The following SH3RF3 variants were observed in gnomAD, a reference collection of about 807,000 sequenced individuals.
The protein encoded by SH3RF3 is SH3 domain containing ring finger 3, also known as E3 ubiquitin-protein ligase SH3RF3.
Under a neutral mutation model 66.3 loss-of-function variants are expected in SH3RF3, and 29 were observed. That is an observed-to-expected ratio of 0.44 (90% CI 0.33 to 0.60). The LOEUF is 0.60. SH3RF3 is among the 20% of genes least tolerant of loss of function. SH3RF3 has a pLI of 0.04. For synonymous variants in SH3RF3, 583 were observed against 532.0 expected (o/e 1.10, Z -1.32); for missense variants, 1,194 against 1,190.9 (o/e 1.00, Z -0.04).
chr2:109,495,730 G>T (rs551282685), intron 9 of SH3RF3, among the ~76,000 whole-genome samples: 64 of 152,130 alleles, frequency 4.2e-4, no homozygotes, highest in African/African-American at 1.5e-3. Context: ...GGCCACAAGT[G>T]ATCCGCCCAC....
At position 109,347,963 on chromosome 2, in the gene SH3RF3, C is replaced by T. The variant is rs112737967; in HGVS notation, c.849+14C>T. 2.8e-3 allele frequency: 4,418 copies of T among 1,585,406 alleles called. 96 individuals carry two copies. The African/African-American group carries it at 0.052, about 19-fold the overall frequency. On this transcript the variant is annotated intron_variant, in intron 2 of 9. Coordinates refer to ENST00000309415, the MANE Select transcript of SH3RF3 (RefSeq NM_001099289.3). ...ACCTTCACCAAGGTAAGGTGAGCCC[C>T]GGGGTGGGCCCCGCCAGCCCATGCA...
intron 1 of SH3RF3, among the ~76,000 whole-genome samples, chr2:109,337,679 G>A (rs1484033893): frequency 1.3e-5 from 2 of 151,878 alleles, no homozygotes; most frequent in African/African-American, 4.8e-5. Flanking sequence ...ATCAGCATAT[G>A]CCGTATGCTA....
At chr2:109,210,768 G>T (rs781747546) in intron 1 of SH3RF3, among the ~76,000 whole-genome samples, 1 of 152,190 alleles carries the variant, frequency 6.6e-6, no homozygotes, top group Non-Finnish European at 1.5e-5. Context: ...TGAATTAGTC[G>T]ACTGCTTCTC....
intron 1 of SH3RF3, among the ~76,000 whole-genome samples, chr2:109,327,567 G>C (rs991748722): frequency 6.6e-6 from 1 of 152,120 alleles, no homozygotes; most frequent in African/African-American, 2.4e-5. Context: ...CATCAAGTTG[G>C]GAGAAAATTA....
At chr2:109,141,741 G>T (rs1029805209) in intron 1 of SH3RF3, among the ~76,000 whole-genome samples, 3 of 152,104 alleles carry the variant, frequency 2.0e-5, no homozygotes, top group Non-Finnish European at 4.4e-5. Context: ...TCTAGACCCC[G>T]GGGAACAAGT....
chr2:109,222,019 A>C (rs1370994509), intron 1 of SH3RF3, among the ~76,000 whole-genome samples: 1 of 152,186 alleles, frequency 6.6e-6, no homozygotes, highest in Non-Finnish European at 1.5e-5. Context: ...TCAGCCTTTC[A>C]AAAGAATGAA....
intron 1 of SH3RF3, among the ~76,000 whole-genome samples, chr2:109,225,148 T>C (rs1679343080): frequency 6.6e-6 from 1 of 152,212 alleles, no homozygotes; most frequent in Non-Finnish European, 1.5e-5. Context: ...CAGTTTCCTC[T>C]TGTGTAAAAT....
chr2:109,249,465 T>C lies in SH3RF3; in HGVS notation c.574-98209T>C, dbSNP rs112450133. Among the ~76,000 whole-genome samples, 6 of 125,742 alleles carry C rather than the reference T, an allele frequency of 4.8e-5. No individual in the cohort carries two copies. In the South Asian group the frequency reaches 8.4e-4, roughly 18 times the overall value. 82.5% of individuals were successfully genotyped at this position (125,742 alleles called of 152,430 possible). A position where few individuals can be genotyped will look rare whatever the true frequency, so the allele number is the denominator to read the frequency against. The stretch of plus-strand genomic sequence containing the variant: ...ACCAGATCTCTCTCTCTTTCTCTCT[T>C]TCTCTTTCTTTCTTTCTTTCTTTCT... On this transcript the variant is annotated intron_variant, in intron 1 of 9. Transcript: ENST00000309415.
chr2:109,497,356 CTG>C (rs1679282751), intron 9 of SH3RF3, among the ~76,000 whole-genome samples: 1 of 152,164 alleles, frequency 6.6e-6, no homozygotes, highest in African/African-American at 2.4e-5. Flanking sequence ...TTTGCAGACT[CTG>C]TTGTCAGGGA....
At position 109,490,772 on chromosome 2, in the gene SH3RF3, G is replaced by A; in HGVS notation, c.2316G>A (p.Arg772=). The stretch of plus-strand genomic sequence containing the variant: ...TGTCCTCACTGTCCATCCACGGCAG[G>A]GCAGGGTCCTGCCCCATAGAGAGCG... ...PEVSSLSIHG[R]AGSCPIESEM... Residue 772 remains arginine, a synonymous_variant, in exon 9 of 10, where the codon AGG becomes AGA. Coordinates refer to ENST00000309415, the MANE Select transcript of SH3RF3 (RefSeq NM_001099289.3). The A allele has an allele frequency of 6.5e-7, 1 of 1,536,708 alleles. No individual in the cohort carries two copies. Among genetic ancestry groups the A allele is most frequent in the South Asian group, 1.2e-5 (1 of 84,018 alleles).
chr2:109,381,917 C>A (rs1675686453), intron 3 of SH3RF3, among the ~76,000 whole-genome samples: 1 of 152,078 alleles, frequency 6.6e-6, no homozygotes, highest in Non-Finnish European at 1.5e-5. Flanking sequence ...GTACGTAACA[C>A]ACATCTCATG....
At chr2:109,406,325 A>C (rs1402990411) in intron 4 of SH3RF3, among the ~76,000 whole-genome samples, 1 of 152,164 alleles carries the variant, frequency 6.6e-6, no homozygotes, top group East Asian at 1.9e-4. Context: ...CATTTTAGAA[A>C]AATTTCCTCA....
At chr2:109,174,575 C>T (rs1023185258) in intron 1 of SH3RF3, among the ~76,000 whole-genome samples, 1 of 152,194 alleles carries the variant, frequency 6.6e-6, no homozygotes, top group Non-Finnish European at 1.5e-5. Context: ...CTGGAATTCC[C>T]TCCATTGTGG....
intron 8 of SH3RF3, among the ~76,000 whole-genome samples, chr2:109,473,552 T>G (rs1409260204): frequency 1.3e-5 from 2 of 152,152 alleles, no homozygotes; most frequent in African/African-American, 4.8e-5. Flanking sequence ...GAGAGAGAAA[T>G]AAACCCTCTG....
chr2:109,207,703 A>G (rs1207921238), intron 1 of SH3RF3, among the ~76,000 whole-genome samples: 1 of 152,198 alleles, frequency 6.6e-6, no homozygotes, highest in Non-Finnish European at 1.5e-5. Context: ...TGGAAACAAA[A>G]CATTTGTATA....
At chr2:109,484,523 T>G (rs1678919106) in intron 8 of SH3RF3, among the ~76,000 whole-genome samples, 1 of 152,124 alleles carries the variant, frequency 6.6e-6, no homozygotes, top group Non-Finnish European at 1.5e-5. Context: ...TATCCCTATA[T>G]CAGCCCAGCT....
At chr2:109,203,567 G>A (rs1276489910) in intron 1 of SH3RF3, among the ~76,000 whole-genome samples, 1 of 152,136 alleles carries the variant, frequency 6.6e-6, no homozygotes, top group Non-Finnish European at 1.5e-5. Context: ...ACTGCTCCAT[G>A]TGGTTCGTCC....
chr2:109,149,787 A>G (rs1245935713), intron 1 of SH3RF3, among the ~76,000 whole-genome samples: 1 of 152,210 alleles, frequency 6.6e-6, no homozygotes, highest in Non-Finnish European at 1.5e-5. Flanking sequence ...CCTTAGCTAC[A>G]GTGGAGATGC....
At chr2:109,300,011 C>T (rs541782470) in intron 1 of SH3RF3, among the ~76,000 whole-genome samples, 1 of 152,268 alleles carries the variant, frequency 6.6e-6, no homozygotes, top group East Asian at 1.9e-4. Flanking sequence ...AATTTGGAAA[C>T]TGGAAGGCAC....
Sources: gnomAD v4.1 joint callset for allele counts (sites outside exome capture counted in the v4.1 genomes callset) on GRCh38, gnomAD v4.1.1 for gene constraint, MANE v1.5 for transcripts, NCBI Gene and HGNC (gene_info 2026-07-23, HGNC 2026-07-21) for gene names.